The following MYO18B variants were observed in gnomAD, a reference collection of about 807,000 sequenced individuals.
MYO18B encodes myosin XVIIIB, also known as unconventional myosin-XVIIIb.
MYO18B carries 204 observed loss-of-function variants against 273.0 expected under a neutral mutation model. The ratio of observed to expected loss-of-function variants is 0.75; its 90% confidence interval spans 0.67 to 0.84. MYO18B has a LOEUF of 0.84. MYO18B is among the 40% of genes least tolerant of loss of function. The pLI is 0.00. For synonymous variants in MYO18B, 1,330 were observed against 1,305.7 expected (o/e 1.02, Z -0.40); for missense variants, 3,212 against 3,287.6 (o/e 0.98, Z 0.56).
chr22:26,060,859 A>G, the MYO18B span, among the ~76,000 whole-genome samples: 3 of 106,332 alleles, frequency 2.8e-5, no homozygotes, highest in African/African-American at 2.2e-4. Context: ...ATATACATAT[A>G]TACACAAACA....
At chr22:26,030,204 C>T (rs760241652) in intron 43 of MYO18B, among the ~76,000 whole-genome samples, 1 of 152,170 alleles carries the variant, frequency 6.6e-6, no homozygotes, top group African/African-American at 2.4e-5. Context: ...GTCCCCACCT[C>T]TACAAGAAAT....
chr22:25,844,629 G>C (rs907909112), intron 18 of MYO18B, among the ~76,000 whole-genome samples: 19 of 152,244 alleles, frequency 1.2e-4, no homozygotes, highest in Admixed American at 9.2e-4. Flanking sequence ...GCCCCGAGCA[G>C]TGAAGTGGCT....
In MYO18B at chr22:25,777,630, G is replaced by C. The variant is rs964054580; in HGVS notation, c.1917G>C (p.Met639Ile). Residue 639 changes from methionine to isoleucine, a missense_variant, in exon 8 of 44, where the codon ATG (methionine) becomes ATC (isoleucine). Transcript: ENST00000335473. ...RDGLPAHIGS[M>I]AQRAYWALLN... ...GCCTGCCTGCCCACATTGGCTCCATGGCACAGCGGGCATACTGGGCGCTGC... is the reference window on the plus strand; with the variant it reads ...GCCTGCCTGCCCACATTGGCTCCATCGCACAGCGGGCATACTGGGCGCTGC... 91 of 1,609,584 alleles carry C rather than the reference G, an allele frequency of 5.7e-5. 3 individuals are homozygous for C. The highest frequency in any genetic ancestry group is 3.4e-6 in the Non-Finnish European group (4 of 1,178,066).
chr22:26,027,089 G>A lies in MYO18B; in HGVS notation c.7115G>A (p.Arg2372Lys). The A allele has an allele frequency of 1.2e-6, 2 of 1,614,016 alleles. No individual in the cohort carries two copies. The highest frequency in any genetic ancestry group is 1.7e-6 in the Non-Finnish European group (2 of 1,179,886). ...AAACTGAGCTCTCCGACCACACCCA[G>A]GGACATGCTGTTGTCGCCCACACTG... is the stretch of plus-strand genomic sequence containing the variant. ...GRKLSSPTTP[R>K]DMLLSPTLRP... Residue 2372 changes from arginine to lysine, a missense_variant, in exon 43 of 44, where the codon AGG becomes AAG. Coordinates refer to ENST00000335473, the MANE Select transcript of MYO18B (RefSeq NM_032608.7). This position sits in a 1 kb window ranked among gnomAD's most constrained non-coding sequence, Gnocchi z 4.1.
At chr22:25,881,498 G>C (rs1420241309) in intron 25 of MYO18B, among the ~76,000 whole-genome samples, 2 of 152,212 alleles carry the variant, frequency 1.3e-5, no homozygotes, top group Non-Finnish European at 2.9e-5. Context: ...GAGAGCTGTG[G>C]GCTGGTTGGG....
chr22:25,929,056 G>A (rs530482379), intron 34 of MYO18B, among the ~76,000 whole-genome samples: 12 of 151,926 alleles, frequency 7.9e-5, no homozygotes, highest in African/African-American at 1.9e-4. Flanking sequence ...CAGCTACTCA[G>A]GAGGCTGAGG....
chr22:25,925,898 C>T lies in MYO18B; in HGVS notation c.5517+4489C>T, dbSNP rs557799478. Among the ~76,000 whole-genome samples, 3 of 79,406 alleles carry T rather than the reference C, an allele frequency of 3.8e-5. No individual in the cohort carries two copies. The East Asian group carries it at 1.1e-3, about 29-fold the overall frequency. 52.1% of individuals were successfully genotyped at this position (79,406 alleles called of 152,430 possible). On this transcript the variant is annotated intron_variant, in intron 34 of 43. Coordinates refer to ENST00000335473, the MANE Select transcript of MYO18B (RefSeq NM_032608.7). ...CCAGCATGGGCAACAGAGCAAGACT[C>T]TGTCAAAAAAAAAAAAAAAAAAAAA... is the stretch of plus-strand genomic sequence containing the variant.
chr22:25,808,251 G>C (rs914762969), intron 12 of MYO18B, among the ~76,000 whole-genome samples: 1 of 152,130 alleles, frequency 6.6e-6, no homozygotes, highest in Non-Finnish European at 1.5e-5. Context: ...CTCTTCCCAG[G>C]AATGACCTCT....
intron 36 of MYO18B, among the ~76,000 whole-genome samples, chr22:25,948,459 C>CTTCCTTCTTTCTTTCT (rs1442898869): frequency 3.0e-5 from 2 of 67,724 alleles, no homozygotes; most frequent in African/African-American, 1.1e-4. Context: ...TCCTTCCTTC[C>CTTCCTTCTTTCTTTCT]TTCTTTCTTT....
At chr22:25,748,250 A>G (rs2085839773) in intron 1 of MYO18B, among the ~76,000 whole-genome samples, 1 of 152,162 alleles carries the variant, frequency 6.6e-6, no homozygotes, top group Admixed American at 6.5e-5. Flanking sequence ...CTGGGGAGGT[A>G]GCTCTCTGAG....
At chr22:25,942,197 C>T (rs111385379) in intron 34 of MYO18B, among the ~76,000 whole-genome samples, 3 of 152,200 alleles carry the variant, frequency 2.0e-5, no homozygotes, top group African/African-American at 4.8e-5. Context: ...AGGTCTGGCT[C>T]CAGTGCCCAA....
chr22:25,746,847 C>T (rs1453487481), intron 1 of MYO18B, among the ~76,000 whole-genome samples: 1 of 152,218 alleles, frequency 6.6e-6, no homozygotes, highest in South Asian at 2.1e-4. Context: ...TGAGGCTGGG[C>T]GCAGTGGCTC....
chr22:25,837,195 G>A (rs1229704127), intron 17 of MYO18B, among the ~76,000 whole-genome samples: 1 of 152,064 alleles, frequency 6.6e-6, no homozygotes. Context: ...AGGTGCATCC[G>A]AAAGGAGAAG....
intron 12 of MYO18B, among the ~76,000 whole-genome samples, chr22:25,805,702 C>G (rs1448375967): frequency 2.6e-5 from 4 of 152,184 alleles, no homozygotes; most frequent in Admixed American, 2.0e-4. Flanking sequence ...TGGTCTGGTC[C>G]CTGCCCACCT....
chr22:25,974,414 G>A (rs1038868236), intron 39 of MYO18B, among the ~76,000 whole-genome samples: 1 of 152,188 alleles, frequency 6.6e-6, no homozygotes, highest in African/African-American at 2.4e-5. Context: ...CAACCTAATA[G>A]AAATATGGAA....
intron 25 of MYO18B, among the ~76,000 whole-genome samples, chr22:25,889,555 CT>C (rs11399837): frequency 1.7e-3 from 245 of 145,718 alleles, no homozygotes; most frequent in Middle Eastern, 3.5e-3. Context: ...CTACCTCTTT[CT>C]TTTTTTTTTT....
intron 22 of MYO18B, among the ~76,000 whole-genome samples, chr22:25,874,040 G>A (rs2091121843): frequency 6.6e-6 from 1 of 152,218 alleles, no homozygotes; most frequent in South Asian, 2.1e-4. Flanking sequence ...CAAGCACCCA[G>A]GTGGTGCCAA....
chr22:25,963,292 A>T (rs1480623150), intron 39 of MYO18B, among the ~76,000 whole-genome samples: 1 of 151,828 alleles, frequency 6.6e-6, no homozygotes, highest in Non-Finnish European at 1.5e-5. Context: ...TGGATATCTT[A>T]AAACAACAGG....
At chr22:25,819,905 A>G (rs1456460937) in intron 12 of MYO18B, among the ~76,000 whole-genome samples, 8 of 151,092 alleles carry the variant, frequency 5.3e-5, no homozygotes, top group South Asian at 2.1e-4. Context: ...AATAATAACA[A>G]TAATAACAAA....
Sources: gnomAD v4.1 joint callset for allele counts (sites outside exome capture counted in the v4.1 genomes callset) on GRCh38, gnomAD v4.1.1 for gene constraint, Gnocchi (gnomAD v3.1) non-coding constraint, MANE v1.5 for transcripts, NCBI Gene and HGNC (gene_info 2026-07-23, HGNC 2026-07-21) for gene names.